Variants in SPTBN1 observed in about 807,000 individuals in gnomAD.
SPTBN1 encodes the protein spectrin beta, non-erythrocytic 1, also known as spectrin beta chain, non-erythrocytic 1.
In SPTBN1, 32 loss-of-function variants were observed where a neutral mutation model predicts 266.4. That is an observed-to-expected ratio of 0.12 (90% CI 0.09 to 0.16). The LOEUF is 0.16. Among genes scored for constraint, SPTBN1 ranks in the 10% least tolerant of loss-of-function variants. The pLI, the probability that SPTBN1 is intolerant of heterozygous loss-of-function variation, is 1.00. For missense variants in SPTBN1, 2,296 were observed against 3,067.1 expected, an observed-to-expected ratio of 0.75 and a Z score of 5.94; for synonymous variants, 1,336 against 1,162.2, an observed-to-expected ratio of 1.15 and a Z score of -3.04.
At chr2:54,504,101 C>T (rs1036713403) in intron 1 of SPTBN1, among the ~76,000 whole-genome samples, 6 of 152,180 alleles carry the variant, frequency 3.9e-5, no homozygotes, top group Non-Finnish European at 5.9e-5. Flanking sequence ...TTGTTCAAAT[C>T]TCCGTTAAAG....
chr2:54,514,819 A>C (rs1328352221), intron 1 of SPTBN1, among the ~76,000 whole-genome samples: 2 of 152,220 alleles, frequency 1.3e-5, no homozygotes, highest in African/African-American at 2.4e-5. Flanking sequence ...CTAACCTCCA[A>C]GCAGTCCTTG....
intron 2 of SPTBN1, among the ~76,000 whole-genome samples, chr2:54,593,208 G>C (rs1315514401): frequency 6.6e-6 from 1 of 152,088 alleles, no homozygotes; most frequent in Non-Finnish European, 1.5e-5. Flanking sequence ...ACTAAAGGCT[G>C]AGCTGGTTGG....
chr2:54,568,153 G>C (rs1252867991), intron 2 of SPTBN1, among the ~76,000 whole-genome samples: 1 of 152,058 alleles, frequency 6.6e-6, no homozygotes, highest in East Asian at 1.9e-4. Flanking sequence ...GGCTGAGGCG[G>C]GCGGATCACC....
At chr2:54,648,497 G>A (rs1053819221) in intron 24 of SPTBN1, among the ~76,000 whole-genome samples, 3 of 152,200 alleles carry the variant, frequency 2.0e-5, no homozygotes, top group Admixed American at 6.5e-5. Context: ...TGCCACACTG[G>A]CTGTGTCATT....
At chr2:54,565,196 G>T (rs922787964) in intron 2 of SPTBN1, among the ~76,000 whole-genome samples, 2 of 152,184 alleles carry the variant, frequency 1.3e-5, no homozygotes, top group Non-Finnish European at 2.9e-5. Flanking sequence ...GTCCCTTATT[G>T]GATCATTTGT....
chr2:54,630,779 A>T (rs1678678839), intron 15 of SPTBN1, 76 bp from the exon 16 acceptor site: 1 of 1,478,610 alleles, frequency 6.8e-7, no homozygotes, highest in Admixed American at 2.4e-5. Context: ...GCATTAACCC[A>T]TCACTGTTCC....
At chr2:54,596,700 C>G (rs1257615554) in intron 2 of SPTBN1, among the ~76,000 whole-genome samples, 1 of 152,154 alleles carries the variant, frequency 6.6e-6, no homozygotes, top group Non-Finnish European at 1.5e-5. Context: ...ACATCTCTTC[C>G]TCCTCTTCTT....
chr2:54,586,409 A>G (rs10210502), intron 2 of SPTBN1, among the ~76,000 whole-genome samples: 41,845 of 152,124 alleles, frequency 0.28, 7,757 homozygotes, highest in African/African-American at 0.53. Context: ...TTTAAATATA[A>G]TTCCTCTTCT....
intron 2 of SPTBN1, among the ~76,000 whole-genome samples, chr2:54,546,957 G>GT (rs1553444667): frequency 4.6e-5 from 4 of 87,204 alleles, no homozygotes; most frequent in Non-Finnish European, 1.0e-4. Context: ...TTTAATGGTG[G>GT]TAAAAAAAAA....
At chr2:54,482,430 T>A (rs778498421) in intron 1 of SPTBN1, among the ~76,000 whole-genome samples, 1 of 151,356 alleles carries the variant, frequency 6.6e-6, no homozygotes, top group Non-Finnish European at 1.5e-5. Context: ...TTCCAGAGAA[T>A]CTGATTGAAT....
chr2:54,530,416 T>C (rs1048845116), intron 2 of SPTBN1, among the ~76,000 whole-genome samples: 30 of 127,708 alleles, frequency 2.3e-4, no homozygotes, highest in Non-Finnish European at 6.2e-5. Context: ...TGGAGTGCAG[T>C]GGTGCAATCT....
chr2:54,652,902 TTTTA>T (rs1447376646), intron 26 of SPTBN1: 2 of 136,230 alleles, frequency 1.5e-5, no homozygotes, highest in Non-Finnish European at 3.2e-5. Flanking sequence ...TCTTTCTTTC[TTTTA>T]TTTATGACTG....
chr2:54,591,826 A>T (rs1675703571), intron 2 of SPTBN1, among the ~76,000 whole-genome samples: 1 of 152,100 alleles, frequency 6.6e-6, no homozygotes, highest in African/African-American at 2.4e-5. Context: ...TCCTAACTTG[A>T]CTCACGCTAA....
intron 1 of SPTBN1, among the ~76,000 whole-genome samples, chr2:54,508,838 C>T (rs1669711848): frequency 6.6e-6 from 1 of 152,172 alleles, no homozygotes; most frequent in Non-Finnish European, 1.5e-5. Flanking sequence ...ATGACTCCGG[C>T]TTTCTTTGGA....
intron 2 of SPTBN1, among the ~76,000 whole-genome samples, chr2:54,593,388 G>T (rs984863050): frequency 6.6e-6 from 1 of 152,040 alleles, no homozygotes; most frequent in African/African-American, 2.4e-5. Flanking sequence ...TTCCTCCCAC[G>T]GAGGGCTGCT....
intron 19 of SPTBN1, among the ~76,000 whole-genome samples, chr2:54,643,354 G>A (rs75191739): frequency 5.3e-5 from 8 of 152,294 alleles, no homozygotes; most frequent in East Asian, 1.9e-4. Flanking sequence ...TTGATTTATC[G>A]TAGAACGAAT....
In SPTBN1 at chr2:54,489,388, CA is replaced by C. The variant is rs370372550; in HGVS notation, c.-48+32872del. ...GAAAAAATATGGCAATATGCAGTTG[CA>C]AGTTGCTGATTTTTAGAATCATAAT... On this transcript the variant is annotated intron_variant, in intron 1 of 35. Transcript: ENST00000356805. 1.6e-4 allele frequency among the ~76,000 whole-genome samples: 25 copies of C among 151,902 alleles called. No individual in the cohort carries two copies. In the East Asian group the frequency reaches 4.4e-3, roughly 27 times the overall value.
intron 26 of SPTBN1, among the ~76,000 whole-genome samples, chr2:54,652,048 C>T (rs553988998): frequency 6.6e-6 from 1 of 152,114 alleles, no homozygotes; most frequent in Admixed American, 6.5e-5. Flanking sequence ...ATATTCTACT[C>T]TCATAGACAT....
Position 54,558,920 on chromosome 2 carries a change from G to T in SPTBN1, c.148+32354G>T, listed in dbSNP as rs1160538908. On this transcript the variant is annotated intron_variant, in intron 2 of 35. Coordinates refer to ENST00000356805, the MANE Select transcript of SPTBN1 (RefSeq NM_003128.3). This position sits in a 1 kb window ranked among gnomAD's most constrained non-coding sequence, Gnocchi z 4.6. ...CCCTCCCAAAGGCCGGGCCTGTCCT[G>T]GGTGCCAACGGGGGTTCTTGGAGGC... The T allele has an allele frequency of 1.3e-6, 2 of 1,598,512 alleles. No individual in the cohort carries two copies. Among genetic ancestry groups the T allele is most frequent in the Non-Finnish European group, 1.7e-6 (2 of 1,172,652 alleles).
Sources: gnomAD v4.1 joint callset for allele counts (sites outside exome capture counted in the v4.1 genomes callset) on GRCh38, gnomAD v4.1.1 for gene constraint, Gnocchi (gnomAD v3.1) non-coding constraint, MANE v1.5 for transcripts, NCBI Gene and HGNC (gene_info 2026-07-23, HGNC 2026-07-21) for gene names.